The following COL22A1 variants were observed in gnomAD, a reference collection of about 807,000 sequenced individuals.
The protein encoded by COL22A1 is collagen type XXII alpha 1 chain, also known as collagen alpha-1(XXII) chain.
COL22A1 carries 221 observed loss-of-function variants against 248.9 expected under a neutral mutation model. The observed-to-expected ratio is 0.89, with a 90% confidence interval of 0.80 to 0.99. The LOEUF is 0.99. Among genes scored for constraint, COL22A1 ranks in the 50% least tolerant of loss-of-function variants. The pLI, the probability that COL22A1 is intolerant of heterozygous loss-of-function variation, is 0.00. For missense variants in COL22A1, 2,240 were observed against 2,179.0 expected (o/e 1.03, Z -0.56); for synonymous variants, 891 against 793.4 (o/e 1.12, Z -2.07).
At chr8:138,815,874 C>T (rs577743179) in intron 7 of COL22A1, among the ~76,000 whole-genome samples, 6 of 152,246 alleles carry the variant, frequency 3.9e-5, no homozygotes, top group Middle Eastern at 3.4e-3. Context: ...ACTGACCACT[C>T]CCCTGCTCCC....
chr8:138,645,161 A>T (rs185212833), intron 47 of COL22A1, among the ~76,000 whole-genome samples: 2 of 152,302 alleles, frequency 1.3e-5, no homozygotes, highest in Admixed American at 6.5e-5. Context: ...ATGGTAAAAA[A>T]CATACCCCTG....
At chr8:138,625,204 T>C (rs951328842) in intron 51 of COL22A1, among the ~76,000 whole-genome samples, 1 of 151,986 alleles carries the variant, frequency 6.6e-6, no homozygotes, top group Non-Finnish European at 1.5e-5. Context: ...AAGGAAGTGA[T>C]AGCTGGGATG....
chr8:138,814,425 TTCTC>T (rs1460933072), intron 7 of COL22A1, among the ~76,000 whole-genome samples: 4 of 151,998 alleles, frequency 2.6e-5, no homozygotes, highest in Admixed American at 6.5e-5. Flanking sequence ...CAGTGTGTTC[TTCTC>T]TCTCTGTCTC....
At chr8:138,856,985 C>T (rs1037398768) in intron 3 of COL22A1, among the ~76,000 whole-genome samples, 1 of 152,144 alleles carries the variant, frequency 6.6e-6, no homozygotes, top group African/African-American at 2.4e-5. Flanking sequence ...CACTCTCCCC[C>T]ACCCTGTGCC....
chr8:138,715,289 GTCTCATGCCTGTAA>G (rs1359583098), intron 30 of COL22A1, among the ~76,000 whole-genome samples: 1 of 152,172 alleles, frequency 6.6e-6, no homozygotes, highest in Non-Finnish European at 1.5e-5. Flanking sequence ...CGGGCATGGT[GTCTCATGCCTGTAA>G]TCCCAGCACT....
chr8:138,764,206 C>G (rs890361295), intron 16 of COL22A1, among the ~76,000 whole-genome samples: 2 of 152,188 alleles, frequency 1.3e-5, no homozygotes, highest in Admixed American at 1.3e-4. Flanking sequence ...GACAATGATT[C>G]TATTCACTGC....
chr8:138,895,045 C>T (rs1423133625), intron 1 of COL22A1, among the ~76,000 whole-genome samples: 1 of 127,912 alleles, frequency 7.8e-6, no homozygotes, highest in African/African-American at 2.9e-5. Context: ...GACAACAGAG[C>T]AAGAACCTTT....
intron 2 of COL22A1, among the ~76,000 whole-genome samples, chr8:138,880,447 T>C (rs923864327): frequency 2.0e-5 from 3 of 152,250 alleles, no homozygotes; most frequent in African/African-American, 7.2e-5. Flanking sequence ...TTTTATTTTT[T>C]GTATTTTTTG....
intron 41 of COL22A1, 104 bp downstream of exon 41, chr8:138,676,454 A>AAAGAAAGAAAGAAAGAAAAGAAAGAAAGG (rs71582022): frequency 5.0e-6 from 2 of 396,726 alleles, no homozygotes; most frequent in Admixed American, 5.2e-5. Flanking sequence ...AGAAAGAAAG[A>AAAGAAAGAAAGAAAGAAAAGAAAGAAAGG]AAGGAAGAAA....
rs373535682 is a variant in COL22A1 at position 138,797,891 on chromosome 8, AT to A, written c.1558-1035del. ...ATAATTGCTATATTTTTAAGAAATA[AT>A]TTTTTATTATAAAATGTCTCCCTTT... On this transcript the variant is annotated intron_variant, in intron 11 of 64. Coordinates refer to ENST00000303045, the MANE Select transcript of COL22A1 (RefSeq NM_152888.3). Among the ~76,000 whole-genome samples the A allele has an allele frequency of 8.3e-4, 126 of 152,064 alleles. 1 individual carries two copies. The highest frequency in any genetic ancestry group is 3.0e-3 in the African/African-American group (123 of 41,510).
chr8:138,884,146 A>G lies in COL22A1; in HGVS notation c.-72-902T>C, dbSNP rs979263641. Among the ~76,000 whole-genome samples the G allele has an allele frequency of 1.1e-4, 16 of 152,150 alleles. 1 individual carries two copies. Among genetic ancestry groups the G allele is most frequent in the South Asian group, 4.1e-4 (2 of 4,826 alleles). ...GAGCCTCTGGCAATGCTGAGCTCAG[A>G]TGCTCCCCTTCTGGAAAATTTTTCC... On this transcript the variant is annotated intron_variant, in intron 1 of 64. Transcript: ENST00000303045.
intron 44 of COL22A1, 55 bp from the exon 45 acceptor site, chr8:138,655,999 C>T: frequency 7.1e-7 from 1 of 1,407,174 alleles, no homozygotes; most frequent in South Asian, 1.2e-5. Context: ...ACAATAAATC[C>T]CAGGCATCTT....
Position 138,640,066 on chromosome 8 carries a change from T to C in COL22A1, c.3502-3271A>G, listed in dbSNP as rs559101637. On this transcript the variant is annotated intron_variant, in intron 47 of 64. Coordinates refer to ENST00000303045, the MANE Select transcript of COL22A1 (RefSeq NM_152888.3). Reference sequence around the variant, plus strand: ...GTATGTGATAGGTGGTTGTATCAGCTTGGCTATCTAAAAGAGTAAGATTTC... The same window carrying C: ...GTATGTGATAGGTGGTTGTATCAGCCTGGCTATCTAAAAGAGTAAGATTTC... Among the ~76,000 whole-genome samples, 11 of 152,362 alleles carry C rather than the reference T, an allele frequency of 7.2e-5. No homozygotes were observed. The South Asian group carries it at 2.1e-3, about 29-fold the overall frequency.
At chr8:138,658,870 T>C (rs1823532362) in intron 44 of COL22A1, among the ~76,000 whole-genome samples, 1 of 151,856 alleles carries the variant, frequency 6.6e-6, no homozygotes, top group Non-Finnish European at 1.5e-5. Context: ...TAACAGATCT[T>C]CTCTCTTCTC....
intron 47 of COL22A1, among the ~76,000 whole-genome samples, 155 bp downstream of exon 47, chr8:138,646,474 C>T (rs1377821529): frequency 3.3e-5 from 5 of 152,282 alleles, no homozygotes; most frequent in Admixed American, 2.6e-4. Context: ...TGCCCATGGT[C>T]AATAGGATAG....
chr8:138,865,965 G>A (rs1263086315), intron 3 of COL22A1, among the ~76,000 whole-genome samples: 4 of 151,908 alleles, frequency 2.6e-5, no homozygotes, highest in African/African-American at 9.7e-5. Context: ...GCCTGTGTGT[G>A]AGTATATGTG....
intron 1 of COL22A1, among the ~76,000 whole-genome samples, chr8:138,897,511 T>C (rs539998829): frequency 2.0e-5 from 3 of 152,092 alleles, no homozygotes; most frequent in African/African-American, 7.2e-5. Context: ...ATCATGCCAC[T>C]GCACTGCAGC....
intron 41 of COL22A1, among the ~76,000 whole-genome samples, chr8:138,666,390 C>G (rs150008090): frequency 9.9e-4 from 150 of 152,284 alleles, no homozygotes; most frequent in African/African-American, 3.5e-3. Flanking sequence ...CACTTTAACC[C>G]CAATCAGAGG....
At chr8:138,636,249 A>G (rs749207847) in intron 48 of COL22A1, among the ~76,000 whole-genome samples, 30 of 151,956 alleles carry the variant, frequency 2.0e-4, no homozygotes, top group Non-Finnish European at 1.0e-4. Flanking sequence ...GTGAGCCCTT[A>G]TTGGTACCAT....
Sources: gnomAD v4.1 joint callset for allele counts (sites outside exome capture counted in the v4.1 genomes callset) on GRCh38, gnomAD v4.1.1 for gene constraint, MANE v1.5 for transcripts, NCBI Gene and HGNC (gene_info 2026-07-23, HGNC 2026-07-21) for gene names.